GSPT1: variants seen among roughly 807,000 people sequenced by gnomAD.
GSPT1 encodes G1 to S phase transition 1, also known as eukaryotic peptide chain release factor GTP-binding subunit ERF3A.
GSPT1 carries 20 observed loss-of-function variants against 72.5 expected under a neutral mutation model. The observed-to-expected ratio is 0.28, with a 90% CI of 0.19 to 0.40. The LOEUF (loss-of-function observed/expected upper bound fraction) is 0.40. GSPT1 is among the 10% of genes least tolerant of loss of function. The pLI, the probability that GSPT1 is intolerant of heterozygous loss-of-function variation, is 1.00. For missense variants in GSPT1, 580 were observed against 811.9 expected (o/e 0.71, Z 3.47); for synonymous variants, 334 against 293.5 (o/e 1.14, Z -1.41).
rs2054622850 is a variant in GSPT1, at chr16:11,915,576, A to G, written c.145T>C (p.Ser49Pro). 2.7e-6 allele frequency: 4 copies of G among 1,486,600 alleles called. No individual in the cohort carries two copies. In the African/African-American group the frequency reaches 4.4e-5, roughly 17 times the overall value. 92.1% of individuals were successfully genotyped at this position (1,486,600 alleles called of 1,614,324 possible). Residue 49 changes from serine (S) to proline (P), a missense_variant, in exon 1 of 15, where the codon TCC becomes CCC. Ser to Pro is a moderately conservative substitution (Grantham distance 74). This residue lies in a region of GSPT1 where 327 missense variants were observed against 298.8 expected (regional missense o/e 1.09). Transcript: ENST00000434724. ...PGPGPCGGGG[S>P]LAAAAEAQRE... ...TGGGCCTCGGCCGCCGCCGCCAGGG[A>G]GCCGCCGCCGCCGCAAGGGCCCGGC...
chr16:11,903,332 GA>G (rs1027920195), intron 1 of GSPT1, among the ~76,000 whole-genome samples: 171 of 152,122 alleles, frequency 1.1e-3, no homozygotes, highest in African/African-American at 3.9e-3. Flanking sequence ...CCAACATGGT[GA>G]AACCCCGTCT....
At chr16:11,911,318 A>G (rs2054553763) in intron 1 of GSPT1, among the ~76,000 whole-genome samples, 1 of 152,212 alleles carries the variant, frequency 6.6e-6, no homozygotes, top group South Asian at 2.1e-4. Flanking sequence ...GAATATTCTA[A>G]AAAGCATCTG....
At chr16:11,885,938 G>A (rs895387965) in intron 9 of GSPT1, among the ~76,000 whole-genome samples, 3 of 152,010 alleles carry the variant, frequency 2.0e-5, no homozygotes, top group Admixed American at 6.6e-5. Context: ...GAATAAACTC[G>A]TATTTATGGT....
chr16:11,880,596 G>A (rs2054109840), intron 11 of GSPT1, among the ~76,000 whole-genome samples: 1 of 152,212 alleles, frequency 6.6e-6, no homozygotes, highest in African/African-American at 2.4e-5. Context: ...CGAAAGTGCA[G>A]GGATTATAGG....
At chr16:11,882,913 C>A (rs8062768) in intron 11 of GSPT1, 102 bp downstream of exon 11, 2 of 708,796 alleles carry the variant, frequency 2.8e-6, no homozygotes, top group Non-Finnish European at 4.9e-6. Context: ...GCTATGAATG[C>A]GCCACTGTAC....
intron 1 of GSPT1, among the ~76,000 whole-genome samples, chr16:11,901,624 T>A (rs1034212780): frequency 8.0e-5 from 12 of 150,228 alleles, no homozygotes; most frequent in Non-Finnish European, 1.6e-4. Flanking sequence ...CACAAAAATA[T>A]ATATATATAT....
rs918484537 is a variant in GSPT1 at position 11,869,952 on chromosome 16, A to G, written c.*3167T>C. On this transcript the variant is annotated 3_prime_UTR_variant, in exon 15 of 15. Coordinates refer to ENST00000434724, the MANE Select transcript of GSPT1 (RefSeq NM_002094.4). ...CGTATCAGCTGAGAGGATGCCGGCA[A>G]CTGTTGAACTACATCACAGTTCAAA... The G allele has an allele frequency of 1.3e-5, 2 of 152,234 alleles. No homozygotes were observed. Among genetic ancestry groups the G allele is most frequent in the Admixed American group, 1.3e-4 (2 of 15,278 alleles). 9.4% of individuals were successfully genotyped at this position (152,234 alleles called of 1,614,324 possible).
At chr16:11,905,296 G>C (rs772491232) in intron 1 of GSPT1, among the ~76,000 whole-genome samples, 1 of 152,120 alleles carries the variant, frequency 6.6e-6, no homozygotes, top group East Asian at 1.9e-4. Context: ...GTTATTAAGC[G>C]CTGGAAACAT....
intron 11 of GSPT1, among the ~76,000 whole-genome samples, chr16:11,882,781 C>T (rs2054137271): frequency 1.3e-5 from 2 of 151,524 alleles, no homozygotes; most frequent in Non-Finnish European, 1.5e-5. Flanking sequence ...ATAGTGAGAC[C>T]CCATCTCAAT....
rs1423833656 is a variant in GSPT1 at position 11,915,475 on chromosome 16, G to A, written c.246C>T (p.Ala82=). 1 of 1,550,580 alleles carries A rather than the reference G, an allele frequency of 6.4e-7. No individual in the cohort carries two copies. Among genetic ancestry groups the A allele is most frequent in the Non-Finnish European group, 8.7e-7 (1 of 1,150,600 alleles). The change falls in exon 1 of 15, where the codon GCC becomes GCT. Residue 82 remains alanine (A), a synonymous_variant. Coordinates refer to ENST00000434724, the MANE Select transcript of GSPT1 (RefSeq NM_002094.4). The part of the protein sequence containing the change: ...NAKPFVPNVH[A]AEFVPSFLRG... ...GCAGGAAGGACGGCACGAACTCGGCGGCGTGGACGTTGGGCACGAAGGGCT... is the reference window on the plus strand; with the variant it reads ...GCAGGAAGGACGGCACGAACTCGGCAGCGTGGACGTTGGGCACGAAGGGCT...
intron 1 of GSPT1, among the ~76,000 whole-genome samples, chr16:11,906,619 G>A (rs1448422948): frequency 6.6e-6 from 1 of 152,180 alleles, no homozygotes; most frequent in Admixed American, 6.5e-5. Context: ...GGGCAACAAT[G>A]TGAGACCCTG....
chr16:11,876,298 G>A lies in GSPT1; in HGVS notation c.1603-123C>T, dbSNP rs1302158458. Reference sequence around the variant, plus strand: ...ATCTCACTAGGACATCAACTTAAGTGATTTTTGTGTTAGAGGTGATAGGTT... The same window carrying A: ...ATCTCACTAGGACATCAACTTAAGTAATTTTTGTGTTAGAGGTGATAGGTT... On this transcript the variant is annotated intron_variant, in intron 12 of 14. Coordinates refer to ENST00000434724, the MANE Select transcript of GSPT1 (RefSeq NM_002094.4). The A allele has an allele frequency of 8.4e-6, 6 of 711,248 alleles. No homozygotes were observed. In the African/African-American group the frequency reaches 1.1e-4, roughly 13 times the overall value. 44.1% of individuals were successfully genotyped at this position (711,248 alleles called of 1,614,324 possible).
chr16:11,902,712 G>A (rs990593205), intron 1 of GSPT1, among the ~76,000 whole-genome samples: 2 of 143,216 alleles, frequency 1.4e-5, no homozygotes, highest in African/African-American at 5.0e-5. Context: ...TTTAAGTCCC[G>A]AGTAGCTGGG....
At chr16:11,896,925 A>C (rs780210227) in intron 3 of GSPT1, 140 bp from the exon 4 acceptor site, 6 of 637,974 alleles carry the variant, frequency 9.4e-6, no homozygotes, top group Non-Finnish European at 1.6e-5. Context: ...AAGCAGGAAA[A>C]CCTCTTTCAT....
In GSPT1 at chr16:11,877,304, TG is replaced by T; in HGVS notation, c.1602+102del. On this transcript the variant is annotated intron_variant, in intron 12 of 14. Transcript: ENST00000434724. This position sits in a 1 kb window ranked among gnomAD's most constrained non-coding sequence, Gnocchi z 4.0. ...TCCATTCCCCTTCTCTACACTAAGA[TG>T]GGTTAACTGGCATGTCACAAATAAT... 1.4e-6 allele frequency: 1 copy of T among 739,732 alleles called. No individual in the cohort carries two copies. The highest frequency in any genetic ancestry group is 2.1e-6 in the Non-Finnish European group (1 of 465,760). 45.8% of individuals were successfully genotyped at this position (739,732 alleles called of 1,614,324 possible). A position where few individuals can be genotyped will look rare whatever the true frequency, so the allele number is the denominator to read the frequency against.
chr16:11,885,139 T>A, intron 10 of GSPT1, 42 bp downstream of exon 10: 1 of 884,206 alleles, frequency 1.1e-6, no homozygotes, highest in South Asian at 1.4e-5. Context: ...CAACAATGAT[T>A]TCCCCTCCCA....
At chr16:11,913,292 A>AT (rs34117659) in intron 1 of GSPT1, among the ~76,000 whole-genome samples, 1 of 152,216 alleles carries the variant, frequency 6.6e-6, no homozygotes, top group South Asian at 2.1e-4. Context: ...ACATAGGATA[A>AT]TTTTTTAAAA....
chr16:11,878,594 T>TAAA (rs71136693), intron 11 of GSPT1, among the ~76,000 whole-genome samples: 2 of 131,002 alleles, frequency 1.5e-5, no homozygotes, highest in Non-Finnish European at 3.3e-5. Flanking sequence ...ACCCTGTCTT[T>TAAA]AAAAAAAAAA....
intron 1 of GSPT1, among the ~76,000 whole-genome samples, chr16:11,912,334 C>G (rs1264032521): frequency 7.8e-6 from 1 of 128,912 alleles, no homozygotes; most frequent in South Asian, 2.5e-4. Flanking sequence ...GGCAACAGAG[C>G]AAGACTCCGT....
Sources: gnomAD v4.1 joint callset for allele counts (sites outside exome capture counted in the v4.1 genomes callset) on GRCh38, gnomAD v4.1.1 for gene constraint, gnomAD v4.1.1 regional missense constraint, Gnocchi (gnomAD v3.1) non-coding constraint, MANE v1.5 for transcripts, NCBI Gene and HGNC (gene_info 2026-07-23, HGNC 2026-07-21) for gene names.